The following ATP8A2 variants were observed in gnomAD, a reference collection of about 807,000 sequenced individuals.
ATP8A2 encodes phospholipid-transporting ATPase IB.
ATP8A2 carries 100 observed loss-of-function variants against 165.6 expected under a neutral mutation model. That is an observed-to-expected ratio of 0.60 (90% CI 0.51 to 0.71). The LOEUF is 0.71. ATP8A2 is among the 30% of genes least tolerant of loss of function. The pLI is 0.00. For missense variants in ATP8A2, 1,227 were observed against 1,479.5 expected (o/e 0.83, Z 2.80); for synonymous variants, 543 against 548.8 (o/e 0.99, Z 0.15).
chr13:25,925,630 C>T (rs1289421357), intron 33 of ATP8A2, among the ~76,000 whole-genome samples: 1 of 151,304 alleles, frequency 6.6e-6, no homozygotes, highest in African/African-American at 2.4e-5. Flanking sequence ...CCATTGTCCT[C>T]AAAGAACTAG....
At chr13:25,505,325 C>A (rs1329396757) in intron 2 of ATP8A2, among the ~76,000 whole-genome samples, 1 of 151,902 alleles carries the variant, frequency 6.6e-6, no homozygotes, top group Non-Finnish European at 1.5e-5. Context: ...ACCACATAAA[C>A]CCCCTTGATT....
chr13:25,920,597 T>G (rs1054431212), intron 33 of ATP8A2, among the ~76,000 whole-genome samples: 1 of 152,192 alleles, frequency 6.6e-6, no homozygotes, highest in Non-Finnish European at 1.5e-5. Context: ...CCAAGTCTCC[T>G]TGCAGGCTAC....
intron 30 of ATP8A2, among the ~76,000 whole-genome samples, chr13:25,851,996 C>T (rs1292321466): frequency 1.3e-5 from 2 of 152,160 alleles, no homozygotes; most frequent in Non-Finnish European, 2.9e-5. Context: ...GCACACACCA[C>T]CATGCCTGGC....
intron 28 of ATP8A2, among the ~76,000 whole-genome samples, chr13:25,834,391 C>G (rs1399191328): frequency 2.0e-5 from 3 of 152,086 alleles, no homozygotes; most frequent in Non-Finnish European, 4.4e-5. Context: ...TTTAACTCTC[C>G]TGCTGGGCCT....
intron 6 of ATP8A2, among the ~76,000 whole-genome samples, chr13:25,534,650 A>G (rs1424802054): frequency 6.6e-6 from 1 of 152,254 alleles, no homozygotes; most frequent in Non-Finnish European, 1.5e-5. Context: ...AACACCAGTT[A>G]TGTACTGTAC....
chr13:25,746,751 A>C (rs1278219438), intron 25 of ATP8A2, among the ~76,000 whole-genome samples: 1 of 152,232 alleles, frequency 6.6e-6, no homozygotes, highest in Non-Finnish European at 1.5e-5. Flanking sequence ...TTCCAGCTGA[A>C]GTGTTTAGAG....
At chr13:25,966,893 T>G (rs948698898) in intron 34 of ATP8A2, among the ~76,000 whole-genome samples, 41 of 152,282 alleles carry the variant, frequency 2.7e-4, no homozygotes, top group South Asian at 8.3e-4. Context: ...TCTACCCCTG[T>G]GCAGGGGAAA....
At chr13:25,497,950 A>G (rs926688159) in intron 2 of ATP8A2, among the ~76,000 whole-genome samples, 1 of 152,044 alleles carries the variant, frequency 6.6e-6, no homozygotes, top group East Asian at 1.9e-4. Context: ...CAACCGAGAG[A>G]GATTCCGTCT....
chr13:25,757,939 C>T (rs944157730), intron 25 of ATP8A2, among the ~76,000 whole-genome samples: 2 of 152,170 alleles, frequency 1.3e-5, no homozygotes, highest in African/African-American at 4.8e-5. Flanking sequence ...CTGCAGCTTC[C>T]AGCCCAGGTG....
At chr13:25,820,972 A>G (rs1053361701) in intron 27 of ATP8A2, among the ~76,000 whole-genome samples, 2 of 151,670 alleles carry the variant, frequency 1.3e-5, no homozygotes, top group African/African-American at 4.8e-5. Context: ...TCTACCAAGT[A>G]AATAGTTTCG....
chr13:25,530,984 G>T (rs1172247790), intron 4 of ATP8A2, among the ~76,000 whole-genome samples: 1 of 151,806 alleles, frequency 6.6e-6, no homozygotes, highest in Admixed American at 6.6e-5. Flanking sequence ...GTCTAGGATG[G>T]CAGCATTGTC....
At chr13:25,595,690 T>C (rs67619615) in intron 24 of ATP8A2, among the ~76,000 whole-genome samples, 18,369 of 152,208 alleles carry the variant, frequency 0.12, 1,420 homozygotes, top group Non-Finnish European at 0.19. Context: ...GTTATATATT[T>C]TGAACTGTTG....
chr13:26,018,685 C>T (rs898437813), intron 36 of ATP8A2, among the ~76,000 whole-genome samples: 17 of 152,286 alleles, frequency 1.1e-4, no homozygotes, highest in African/African-American at 4.1e-4. Context: ...AGAAAAGCCC[C>T]ACTCTGGGCT....
At chr13:25,803,875 C>T (rs1279888657) in intron 27 of ATP8A2, among the ~76,000 whole-genome samples, 1 of 152,216 alleles carries the variant, frequency 6.6e-6, no homozygotes, top group Non-Finnish European at 1.5e-5. Context: ...TGTGTTTGCA[C>T]ACAGTACTCA....
intron 35 of ATP8A2, among the ~76,000 whole-genome samples, chr13:26,010,784 G>T (rs1363332765): frequency 6.6e-6 from 1 of 152,240 alleles, no homozygotes; most frequent in Non-Finnish European, 1.5e-5. Context: ...GGACCAGTGT[G>T]AAAGGATGGA....
intron 24 of ATP8A2, among the ~76,000 whole-genome samples, chr13:25,678,134 G>T (rs1031527111): frequency 1.3e-5 from 2 of 152,142 alleles, no homozygotes; most frequent in Non-Finnish European, 2.9e-5. Flanking sequence ...ACAAGAACTT[G>T]GCCTTCAACT....
chr13:25,709,702 T>G (rs1182623942), intron 25 of ATP8A2, among the ~76,000 whole-genome samples: 1 of 152,092 alleles, frequency 6.6e-6, no homozygotes, highest in African/African-American at 2.4e-5. Context: ...AGATTAAGTC[T>G]TTTTTTAAGG....
chr13:25,572,199 A>G (rs1335402031), intron 18 of ATP8A2, among the ~76,000 whole-genome samples: 4 of 151,996 alleles, frequency 2.6e-5, no homozygotes, highest in African/African-American at 7.3e-5. Flanking sequence ...CAGTGGTGCA[A>G]TCTCGGCTCA....
chr13:25,603,536 G>A (rs2040442334), intron 24 of ATP8A2, among the ~76,000 whole-genome samples: 1 of 151,968 alleles, frequency 6.6e-6, no homozygotes, highest in African/African-American at 2.4e-5. Context: ...GACTAAAGCT[G>A]AAGGGAGGCA....
Sources: allele counts gnomAD v4.1 joint callset (sites outside exome capture counted in the v4.1 genomes callset), GRCh38; gene constraint gnomAD v4.1.1; transcripts MANE v1.5; gene names NCBI Gene and HGNC (gene_info 2026-07-23, HGNC 2026-07-21).